IL1RAPL2: variants seen among roughly 807,000 people sequenced by gnomAD.
The protein encoded by IL1RAPL2 is X-linked interleukin-1 receptor accessory protein-like 2.
In IL1RAPL2, 3 loss-of-function variants were observed where a neutral mutation model predicts 44.1. The observed-to-expected ratio is 0.07, with a 90% confidence interval of 0.03 to 0.18. IL1RAPL2 has a LOEUF of 0.18. Among genes scored for constraint, IL1RAPL2 ranks in the 10% least tolerant of loss-of-function variants. The pLI is 1.00. For synonymous variants in IL1RAPL2, 181 were observed against 178.8 expected (o/e 1.01, Z -0.10); for missense variants, 391 against 496.4 (o/e 0.79, Z 2.02).
At chrX:105,695,399 T>C (rs1244106532) in intron 6 of IL1RAPL2, among the ~76,000 whole-genome samples, 1 of 111,934 alleles carries the variant, frequency 8.9e-6, no homozygotes, top group East Asian at 2.8e-4. Context: ...ATGAATATTA[T>C]TTGCATGAGG....
intron 5 of IL1RAPL2, among the ~76,000 whole-genome samples, chrX:105,403,157 C>A (rs924889933): frequency 9.0e-6 from 1 of 111,365 alleles, no homozygotes; most frequent in Non-Finnish European, 1.9e-5. Context: ...TTAGAGGGTT[C>A]TAAGTTCTTC....
At chrX:105,272,025 C>T (rs1234778739) in intron 5 of IL1RAPL2, among the ~76,000 whole-genome samples, 2 of 106,953 alleles carry the variant, frequency 1.9e-5, no homozygotes, top group Non-Finnish European at 3.8e-5. Flanking sequence ...AGTAAACTAT[C>T]GCAAGAACAA....
intron 5 of IL1RAPL2, among the ~76,000 whole-genome samples, chrX:105,457,506 T>C (rs1316496930): frequency 9.1e-6 from 1 of 110,441 alleles, no homozygotes; most frequent in Non-Finnish European, 1.9e-5. Flanking sequence ...CATACAATAT[T>C]TGTCTTTATG....
At chrX:105,444,502 T>C (rs1368404428) in intron 5 of IL1RAPL2, among the ~76,000 whole-genome samples, 1 of 111,562 alleles carries the variant, frequency 9.0e-6, no homozygotes, top group Non-Finnish European at 1.9e-5. Context: ...TTAATTCATT[T>C]TGATTTGATT....
intron 2 of IL1RAPL2, among the ~76,000 whole-genome samples, chrX:104,872,890 T>C (rs1180783873): frequency 2.7e-5 from 3 of 111,076 alleles, no homozygotes; most frequent in Non-Finnish European, 5.7e-5. Flanking sequence ...ATAAAATACA[T>C]GAGAAACCTT....
intron 2 of IL1RAPL2, among the ~76,000 whole-genome samples, chrX:105,001,454 C>A (rs1397273060): frequency 1.8e-5 from 2 of 111,169 alleles, no homozygotes; most frequent in Non-Finnish European, 3.8e-5. Context: ...GAACTGAGTT[C>A]TTTTGCTTCA....
rs1228146015 is a variant in IL1RAPL2 at position 105,329,392 on chromosome X, G to A, written c.697+61851G>A. ...AATAAATAGAGGCAGAACTCTTTTG[G>A]GCCTGAATTTGTATCTCTAGATTCC... On this transcript the variant is annotated intron_variant, in intron 5 of 10. Coordinates refer to ENST00000372582, the MANE Select transcript of IL1RAPL2 (RefSeq NM_017416.2). 8.1e-5 allele frequency among the ~76,000 whole-genome samples: 9 copies of A among 111,486 alleles called. No individual in the cohort carries two copies. In the East Asian group the frequency reaches 2.5e-3, roughly 31 times the overall value.
intron 2 of IL1RAPL2, among the ~76,000 whole-genome samples, chrX:104,747,756 A>G (rs143379425): frequency 0.027 from 2,985 of 109,862 alleles, 47 homozygotes; most frequent in Non-Finnish European, 0.042. Context: ...TACTTACATG[A>G]CTCTTTTTTT....
intron 2 of IL1RAPL2, among the ~76,000 whole-genome samples, chrX:104,817,104 C>T (rs1430872725): frequency 8.9e-6 from 1 of 112,687 alleles, no homozygotes; most frequent in Non-Finnish European, 1.9e-5. Flanking sequence ...AGTGTATGAT[C>T]TAATGAATAG....
chrX:105,647,839 C>T (rs1030277152), intron 6 of IL1RAPL2, among the ~76,000 whole-genome samples: 1 of 111,967 alleles, frequency 8.9e-6, no homozygotes. Context: ...GGTTCTTTAG[C>T]CCTCAGCAAA....
At chrX:105,218,229 G>A (rs1237334711) in intron 3 of IL1RAPL2, among the ~76,000 whole-genome samples, 2 of 111,343 alleles carry the variant, frequency 1.8e-5, no homozygotes, top group Non-Finnish European at 3.8e-5. Flanking sequence ...CATCTCTCTG[G>A]AGTCACAGGA....
chrX:105,590,669 G>T (rs1160294151), intron 6 of IL1RAPL2, among the ~76,000 whole-genome samples: 2 of 111,058 alleles, frequency 1.8e-5, no homozygotes, highest in African/African-American at 6.6e-5. Context: ...TTTATTGATT[G>T]TGCAGGCTGA....
intron 2 of IL1RAPL2, among the ~76,000 whole-genome samples, chrX:105,089,781 G>GA (rs1329943544): frequency 1.8e-5 from 2 of 111,760 alleles, no homozygotes; most frequent in African/African-American, 6.5e-5. Context: ...TTGAGGCTTA[G>GA]AAAGAGTAAG....
chrX:105,596,672 C>T (rs2037212737), intron 6 of IL1RAPL2, among the ~76,000 whole-genome samples: 1 of 111,637 alleles, frequency 9.0e-6, no homozygotes, highest in Non-Finnish European at 1.9e-5. Context: ...CTGTTAGGTT[C>T]ATTTGGCATA....
At chrX:105,647,220 C>T (rs1433574823) in intron 6 of IL1RAPL2, among the ~76,000 whole-genome samples, 1 of 111,864 alleles carries the variant, frequency 8.9e-6, no homozygotes, top group Non-Finnish European at 1.9e-5. Flanking sequence ...TGGAAGCCAG[C>T]GATGGGTCTG....
intron 2 of IL1RAPL2, among the ~76,000 whole-genome samples, chrX:104,762,592 C>T (rs1333933302): frequency 8.9e-6 from 1 of 112,775 alleles, no homozygotes; most frequent in African/African-American, 3.2e-5. Context: ...GCAGCTCTGA[C>T]CCCACATTTC....
intron 6 of IL1RAPL2, among the ~76,000 whole-genome samples, chrX:105,504,001 A>G (rs1360971596): frequency 1.8e-5 from 2 of 111,558 alleles, no homozygotes; most frequent in Non-Finnish European, 3.8e-5. Context: ...AAGTCAATTC[A>G]CAGGTATCTG....
At chrX:104,982,928 T>C (rs1160670171) in intron 2 of IL1RAPL2, among the ~76,000 whole-genome samples, 1 of 111,281 alleles carries the variant, frequency 9.0e-6, no homozygotes, top group Non-Finnish European at 1.9e-5. Flanking sequence ...TATTTGTTTT[T>C]ATTTTACATG....
chrX:105,630,500 CTTT>C (rs369815453), intron 6 of IL1RAPL2, among the ~76,000 whole-genome samples: 4 of 92,739 alleles, frequency 4.3e-5, no homozygotes, highest in Admixed American at 1.2e-4. Flanking sequence ...AAATTCAGAG[CTTT>C]TTTTTTTTTT....
Sources: gnomAD v4.1 joint callset for allele counts (sites outside exome capture counted in the v4.1 genomes callset) on GRCh38, gnomAD v4.1.1 for gene constraint, MANE v1.5 for transcripts, NCBI Gene and HGNC (gene_info 2026-07-23, HGNC 2026-07-21) for gene names.